ZNF100: variants seen among roughly 807,000 people sequenced by gnomAD.
ZNF100 encodes the protein zinc finger protein 100.
ZNF100 carries 12 observed loss-of-function variants against 15.8 expected under a neutral mutation model. The ratio of observed to expected loss-of-function variants is 0.76; its 90% CI spans 0.49 to 1.23. The LOEUF (loss-of-function observed/expected upper bound fraction) is 1.23. ZNF100 is among the 50% of genes most tolerant of loss of function. The pLI is 0.00. For missense variants in ZNF100, 670 were observed against 635.6 expected (o/e 1.05, Z -0.58); for synonymous variants, 226 against 214.8 (o/e 1.05, Z -0.45).
rs370935183 is a variant in ZNF100, at chr19:21,758,438, G to A, written c.96+7256C>T. Among the ~76,000 whole-genome samples, 20 of 152,302 alleles carry A rather than the reference G, an allele frequency of 1.3e-4. No homozygotes were observed. In the East Asian group the frequency reaches 2.7e-3, roughly 21 times the overall value. The stretch of plus-strand genomic sequence containing the variant: ...GTGTAGAAAAAGAAAATCCATGGGT[G>A]GGGAAGAATGCAGTGTAAGTGGATT... On this transcript the variant is annotated intron_variant, in intron 2 of 4. Coordinates refer to ENST00000358296, the MANE Select transcript of ZNF100 (RefSeq NM_173531.4).
In ZNF100 at chr19:21,726,601, A is replaced by T. The variant is rs551399614; in HGVS notation, c.*82T>A. ...TATTAAAGGCTTTGCCATATTCTTC[A>T]CAGTCACAGGAGTTCCCTCCAGTAT... On this transcript the variant is annotated 3_prime_UTR_variant, in exon 5 of 5. Coordinates refer to ENST00000358296, the MANE Select transcript of ZNF100 (RefSeq NM_173531.4). 51 of 1,246,776 alleles carry T rather than the reference A, an allele frequency of 4.1e-5. No individual in the cohort carries two copies. The highest frequency in any genetic ancestry group is 3.5e-4 in the East Asian group (15 of 42,872). The allele number at this position is 1,246,776 out of a possible 1,614,324, so 77.2% of individuals were successfully genotyped here.
At chr19:21,738,791 C>T (rs1215900734) in intron 4 of ZNF100, among the ~76,000 whole-genome samples, 5 of 151,964 alleles carry the variant, frequency 3.3e-5, no homozygotes, top group African/African-American at 7.3e-5. Context: ...TAAAAAACTA[C>T]AAAAATTAGC....
At chr19:21,754,943 AAAAG>A (rs1481897790) in intron 2 of ZNF100, among the ~76,000 whole-genome samples, 9 of 152,240 alleles carry the variant, frequency 5.9e-5, no homozygotes, top group African/African-American at 2.2e-4. Flanking sequence ...ATACAAATTT[AAAAG>A]AAAGACAACC....
At chr19:21,750,802 G>A (rs1284612073) in intron 2 of ZNF100, 1 of 421,040 alleles carries the variant, frequency 2.4e-6, no homozygotes, top group Non-Finnish European at 4.2e-6. Context: ...CGAGTAGGGG[G>A]CTAGAGAAGG....
rs2145730412 is a variant in ZNF100, at chr19:21,751,705, T to C, written c.97-6638A>G. On this transcript the variant is annotated intron_variant, in intron 2 of 4. Transcript: ENST00000358296. ...TTCAGTTTAATATTAATGTTCCTGC[T>C]AGTGTTTATGCCAAACACTACCTTG... 4.2e-6 allele frequency: 5 copies of C among 1,198,524 alleles called. No individual in the cohort carries two copies. The South Asian group carries it at 6.6e-5, about 16-fold the overall frequency. The allele number at this position is 1,198,524 out of a possible 1,614,324, so 74.2% of individuals were successfully genotyped here. A position where few individuals can be genotyped will look rare whatever the true frequency, so the allele number is the denominator to read the frequency against.
intron 2 of ZNF100, among the ~76,000 whole-genome samples, chr19:21,745,298 T>C (rs1384042596): frequency 6.6e-6 from 1 of 152,214 alleles, no homozygotes; most frequent in Non-Finnish European, 1.5e-5. Flanking sequence ...GACACTTTTC[T>C]AGATAAAGTA....
intron 2 of ZNF100, chr19:21,751,338 A>G: frequency 3.5e-6 from 3 of 853,752 alleles, no homozygotes; most frequent in Non-Finnish European, 6.2e-6. Flanking sequence ...GATATTTTTG[A>G]TGAGAGATCA....
chr19:21,745,841 G>A lies in ZNF100; in HGVS notation c.97-774C>T, dbSNP rs2036204571. Among the ~76,000 whole-genome samples, 5 of 152,154 alleles carry A rather than the reference G, an allele frequency of 3.3e-5. No individual in the cohort carries two copies. The South Asian group carries it at 1.0e-3, about 32-fold the overall frequency. The stretch of plus-strand genomic sequence containing the variant: ...CCGGCCGAGTTTCTGAATTTCTAAC[G>A]AGCTCACTAGTAATGCCAAAGTTTT... On this transcript the variant is annotated intron_variant, in intron 2 of 4. Coordinates refer to ENST00000358296, the MANE Select transcript of ZNF100 (RefSeq NM_173531.4).
intron 2 of ZNF100, among the ~76,000 whole-genome samples, chr19:21,747,353 A>G (rs1179773630): frequency 5.3e-5 from 8 of 151,902 alleles, no homozygotes; most frequent in Non-Finnish European, 8.8e-5. Flanking sequence ...GGAAGGCACA[A>G]GAGATTTTTG....
Position 21,750,595 on chromosome 19 carries a change from A to G in ZNF100, c.97-5528T>C, listed in dbSNP as rs73028044. On this transcript the variant is annotated intron_variant, in intron 2 of 4. Transcript: ENST00000358296. ...TCACATAAAGAGAACGAAAGAGAAAAACACATAATTATCTCCAGATGAGTC... is the reference window on the plus strand; with the variant it reads ...TCACATAAAGAGAACGAAAGAGAAAGACACATAATTATCTCCAGATGAGTC... 6.0e-3 allele frequency: 987 copies of G among 164,958 alleles called. 7 individuals carry two copies. Among genetic ancestry groups the G allele is most frequent in the Admixed American group, 8.9e-3 (138 of 15,586 alleles). The allele number at this position is 164,958 out of a possible 1,614,324, so 10.2% of individuals were successfully genotyped here.
In ZNF100 at chr19:21,751,359, C is replaced by G. The variant is rs372319618; in HGVS notation, c.97-6292G>C. Reference sequence around the variant, plus strand: ...TTTGATGAGAGATCACATCCCCTCACACGAGAAAAAGTTCCACAGGAATAG... The same window carrying G: ...TTTGATGAGAGATCACATCCCCTCAGACGAGAAAAAGTTCCACAGGAATAG... On this transcript the variant is annotated intron_variant, in intron 2 of 4. Transcript: ENST00000358296. The G allele has an allele frequency of 1.2e-5, 10 of 832,184 alleles. 1 individual carries two copies. Among genetic ancestry groups the G allele is most frequent in the African/African-American group, 6.7e-5 (4 of 60,146 alleles). 51.5% of individuals were successfully genotyped at this position (832,184 alleles called of 1,614,324 possible).
chr19:21,760,181 C>A (rs78081400), intron 2 of ZNF100, among the ~76,000 whole-genome samples: 638 of 133,766 alleles, frequency 4.8e-3, no homozygotes, highest in Non-Finnish European at 5.9e-3. Flanking sequence ...GACTCCGTCT[C>A]AAAAAAAAAA....
At chr19:21,752,435 T>C (rs907501618) in intron 2 of ZNF100, 2 of 152,660 alleles carry the variant, frequency 1.3e-5, no homozygotes, top group Non-Finnish European at 2.9e-5. Context: ...TCCTCCCTAC[T>C]GTTACCATTA....
chr19:21,740,615 G>A (rs751571268), intron 4 of ZNF100, among the ~76,000 whole-genome samples: 23 of 152,190 alleles, frequency 1.5e-4, no homozygotes, highest in Non-Finnish European at 2.6e-4. Context: ...CAGCACTTTG[G>A]AGGCTGAGGT....
chr19:21,728,131 T>TAAA (rs34212229), intron 4 of ZNF100, 142 bp from the exon 5 acceptor site: 28 of 637,496 alleles, frequency 4.4e-5, no homozygotes, highest in South Asian at 1.4e-4. Flanking sequence ...CATATAAATG[T>TAAA]AAAAAAAAAA....
intron 4 of ZNF100, among the ~76,000 whole-genome samples, chr19:21,738,575 A>G (rs2036051965): frequency 6.6e-6 from 1 of 152,156 alleles, no homozygotes; most frequent in East Asian, 1.9e-4. Context: ...AGAACTCCCT[A>G]TTTAATAAAT....
intron 4 of ZNF100, among the ~76,000 whole-genome samples, chr19:21,732,491 G>C (rs555534331): frequency 3.3e-5 from 5 of 152,156 alleles, no homozygotes; most frequent in Non-Finnish European, 5.9e-5. Context: ...ATTTATATTT[G>C]ATTTGGCTAG....
Position 21,724,014 on chromosome 19 carries a change from T to C in ZNF100, c.*2669A>G, listed in dbSNP as rs562176753. 40 of 152,300 alleles carry C rather than the reference T, an allele frequency of 2.6e-4. No individual in the cohort carries two copies. Among genetic ancestry groups the C allele is most frequent in the Admixed American group, 1.3e-3 (20 of 15,294 alleles). 9.4% of individuals were successfully genotyped at this position (152,300 alleles called of 1,614,324 possible). On this transcript the variant is annotated 3_prime_UTR_variant, in exon 5 of 5. Coordinates refer to ENST00000358296, the MANE Select transcript of ZNF100 (RefSeq NM_173531.4). ...CTAAATTTTGTAAAAATTATTCTTA[T>C]AATCACAGACCAGCTCACATAATGA...
chr19:21,760,663 A>T (rs933184891), intron 2 of ZNF100, among the ~76,000 whole-genome samples: 1 of 151,864 alleles, frequency 6.6e-6, no homozygotes, highest in African/African-American at 2.4e-5. Flanking sequence ...GATGATTTGT[A>T]GTCCACTATA....
Sources: allele counts gnomAD v4.1 joint callset (sites outside exome capture counted in the v4.1 genomes callset), GRCh38; gene constraint gnomAD v4.1.1; transcripts MANE v1.5; gene names NCBI Gene and HGNC (gene_info 2026-07-23, HGNC 2026-07-21).